GRIP1: variants seen among roughly 807,000 people sequenced by gnomAD.
GRIP1 encodes the protein glutamate receptor interacting protein 1.
Under a neutral mutation model 129.9 loss-of-function variants are expected in GRIP1, and 45 were observed. That is an observed-to-expected ratio of 0.35 (90% confidence interval 0.27 to 0.44). The LOEUF (loss-of-function observed/expected upper bound fraction) is 0.44, where lower values mean the gene tolerates loss of function less well. Among genes scored for constraint, GRIP1 ranks in the 20% least tolerant of loss-of-function variants. The pLI, the probability that GRIP1 is intolerant of heterozygous loss-of-function variation, is 1.00. For synonymous variants in GRIP1, 530 were observed against 520.8 expected (o/e 1.02, Z -0.24); for missense variants, 1,196 against 1,396.8 (o/e 0.86, Z 2.29).
At chr12:66,708,323 G>GA (rs952825638) in intron 1 of GRIP1, among the ~76,000 whole-genome samples, 3 of 150,672 alleles carry the variant, frequency 2.0e-5, no homozygotes, top group African/African-American at 2.4e-5. Context: ...AAAACTTAAA[G>GA]AAAAAAAAAT....
intron 7 of GRIP1, among the ~76,000 whole-genome samples, chr12:66,500,241 G>A (rs754675756): frequency 7.2e-5 from 11 of 152,132 alleles, no homozygotes; most frequent in Admixed American, 3.3e-4. Context: ...GACTTAGAAC[G>A]GTCACACATC....
chr12:66,541,495 T>C (rs2061779839), intron 3 of GRIP1, among the ~76,000 whole-genome samples: 2 of 152,254 alleles, frequency 1.3e-5, no homozygotes, highest in South Asian at 2.1e-4. Flanking sequence ...TCCTTCCCAC[T>C]GCAGCTTGTC....
intron 1 of GRIP1, among the ~76,000 whole-genome samples, chr12:66,971,566 A>G (rs1245388414): frequency 6.6e-6 from 1 of 152,184 alleles, no homozygotes; most frequent in Non-Finnish European, 1.5e-5. Flanking sequence ...AGGTATGGTG[A>G]AAAAGACAGC....
At chr12:66,848,923 T>C (rs1393094793) in intron 1 of GRIP1, among the ~76,000 whole-genome samples, 1 of 152,136 alleles carries the variant, frequency 6.6e-6, no homozygotes, top group African/African-American at 2.4e-5. Flanking sequence ...TGGGCTGCTT[T>C]CCGGGATGGG....
At chr12:66,499,512 G>A (rs2060328711) in intron 7 of GRIP1, among the ~76,000 whole-genome samples, 1 of 152,162 alleles carries the variant, frequency 6.6e-6, no homozygotes, top group Non-Finnish European at 1.5e-5. Flanking sequence ...GGGCACAACA[G>A]AGGATACAAT....
chr12:67,006,178 A>T (rs1821671789), intron 1 of GRIP1, among the ~76,000 whole-genome samples: 1 of 152,232 alleles, frequency 6.6e-6, no homozygotes, highest in Admixed American at 6.5e-5. Context: ...GAAACAAGTC[A>T]GAAAAAAATA....
intron 1 of GRIP1, among the ~76,000 whole-genome samples, chr12:66,699,129 T>C (rs924399019): frequency 6.6e-6 from 1 of 152,128 alleles, no homozygotes; most frequent in African/African-American, 2.4e-5. Flanking sequence ...ATCTTTCCCT[T>C]GGAGTACTGG....
chr12:66,667,239 C>T (rs1565953810), intron 1 of GRIP1, among the ~76,000 whole-genome samples: 1 of 152,064 alleles, frequency 6.6e-6, no homozygotes, highest in Non-Finnish European at 1.5e-5. Context: ...TCAACTGTTT[C>T]TTTTAGTGAA....
intron 1 of GRIP1, among the ~76,000 whole-genome samples, chr12:66,705,393 A>G (rs1382090599): frequency 6.6e-6 from 1 of 152,154 alleles, no homozygotes; most frequent in Non-Finnish European, 1.5e-5. Flanking sequence ...CCACTGCCCA[A>G]GGAAATAAGA....
intron 7 of GRIP1, among the ~76,000 whole-genome samples, chr12:66,512,236 C>T (rs551832047): frequency 6.6e-6 from 1 of 152,144 alleles, no homozygotes; most frequent in South Asian, 2.1e-4. Flanking sequence ...AGAAATGGGG[C>T]ACTGCTATAA....
chr12:66,407,364 C>A (rs567025890), intron 15 of GRIP1: 4 of 152,296 alleles, frequency 2.6e-5, no homozygotes, highest in African/African-American at 9.6e-5. Context: ...AGAAAAGCAC[C>A]TTTATAAGAA....
intron 2 of GRIP1, among the ~76,000 whole-genome samples, 165 bp from the exon 3 acceptor site, chr12:66,542,115 A>G (rs746921383): frequency 6.6e-6 from 1 of 152,180 alleles, no homozygotes; most frequent in South Asian, 2.1e-4. Context: ...CATGCAGGTA[A>G]TGCTGAGGCA....
intron 1 of GRIP1, among the ~76,000 whole-genome samples, chr12:66,659,735 T>C (rs1456986079): frequency 2.0e-5 from 3 of 152,216 alleles, no homozygotes; most frequent in East Asian, 3.8e-4. Flanking sequence ...ATTTTAAAGA[T>C]ATAGTTCTTG....
chr12:66,436,707 G>C (rs1045503169), intron 13 of GRIP1, among the ~76,000 whole-genome samples: 1 of 152,148 alleles, frequency 6.6e-6, no homozygotes, highest in Non-Finnish European at 1.5e-5. Context: ...TTGGGGCCAG[G>C]CGCAGTGGCT....
chr12:66,517,873 G>A, intron 6 of GRIP1, 28 bp downstream of exon 6: 1 of 1,160,282 alleles, frequency 8.6e-7, no homozygotes, highest in Non-Finnish European at 1.3e-6. Flanking sequence ...TTCTATTTTG[G>A]ATAGTGACAC....
At chr12:66,924,116 A>AT (rs1262996567) in intron 1 of GRIP1, among the ~76,000 whole-genome samples, 5 of 152,174 alleles carry the variant, frequency 3.3e-5, no homozygotes, top group Non-Finnish European at 5.9e-5. Context: ...AAGTGCTGGG[A>AT]TTACATGCAT....
At chr12:66,612,683 T>C (rs946109971) in intron 1 of GRIP1, among the ~76,000 whole-genome samples, 2 of 151,946 alleles carry the variant, frequency 1.3e-5, no homozygotes, top group Admixed American at 6.6e-5. Context: ...AATATCTAAA[T>C]ATAGAAAAGG....
At chr12:67,004,081 G>T (rs2042592069) in intron 1 of GRIP1, among the ~76,000 whole-genome samples, 1 of 152,012 alleles carries the variant, frequency 6.6e-6, no homozygotes, top group South Asian at 2.1e-4. Context: ...TGGCATTTAG[G>T]GGCTTACCTG....
At chr12:66,479,826 T>C (rs1255635227) in intron 7 of GRIP1, among the ~76,000 whole-genome samples, 2 of 149,532 alleles carry the variant, frequency 1.3e-5, no homozygotes, top group Admixed American at 6.7e-5. Context: ...AACCACATGA[T>C]TATCTCAATA....
Sources: allele counts gnomAD v4.1 joint callset (sites outside exome capture counted in the v4.1 genomes callset), GRCh38; gene constraint gnomAD v4.1.1; transcripts MANE v1.5; gene names NCBI Gene and HGNC (gene_info 2026-07-23, HGNC 2026-07-21).